The following OSBPL6 variants were observed in gnomAD, a reference collection of about 807,000 sequenced individuals.
OSBPL6 encodes the protein oxysterol-binding protein-related protein 6.
A neutral mutation model predicts 125.8 loss-of-function variants in OSBPL6; 49 were observed. The observed-to-expected ratio is 0.39, with a 90% CI of 0.31 to 0.49. The LOEUF is 0.49. Among genes scored for constraint, OSBPL6 ranks in the 20% least tolerant of loss-of-function variants. The pLI is 0.88. For synonymous variants in OSBPL6, 394 were observed against 391.8 expected (o/e 1.01, Z -0.07); for missense variants, 986 against 1,135.4 (o/e 0.87, Z 1.89).
rs549394616 is a variant in OSBPL6, at chr2:178,372,019, G to A, written c.1288-107G>A. Reference sequence around the variant, plus strand: ...GCTCATGATGGCTTCAAAAGTTAGAGCTAAGAACATCACAGACATTATTGT... The same window carrying A: ...GCTCATGATGGCTTCAAAAGTTAGAACTAAGAACATCACAGACATTATTGT... On this transcript the variant is annotated intron_variant, in intron 13 of 24. Transcript: ENST00000190611. 8.1e-5 allele frequency: 63 copies of A among 779,776 alleles called. No individual in the cohort carries two copies. The African/African-American group carries it at 8.9e-4, about 11-fold the overall frequency. The allele number at this position is 779,776 out of a possible 1,614,324, so 48.3% of individuals were successfully genotyped here. A position where few individuals can be genotyped will look rare whatever the true frequency, so the allele number is the denominator to read the frequency against.
chr2:178,257,397 C>T (rs1362157056), intron 1 of OSBPL6, among the ~76,000 whole-genome samples: 1 of 152,016 alleles, frequency 6.6e-6, no homozygotes, highest in Non-Finnish European at 1.5e-5. Context: ...TACTTTGTAA[C>T]CAAATAACGT....
At chr2:178,332,796 A>T (rs1203731378) in intron 7 of OSBPL6, 42 bp downstream of exon 7, 1 of 1,611,544 alleles carries the variant, frequency 6.2e-7, no homozygotes, top group East Asian at 2.2e-5. Flanking sequence ...TTATCAGGGG[A>T]AACGATTTGC....
intron 5 of OSBPL6, 35 bp from the exon 6 acceptor site, chr2:178,331,517 T>A (rs1003420389): frequency 6.2e-7 from 1 of 1,610,756 alleles, no homozygotes; most frequent in South Asian, 1.1e-5. Context: ...TAATTCAAAA[T>A]ACAGACAGTA....
At chr2:178,240,522 C>T (rs1209509302) in intron 1 of OSBPL6, among the ~76,000 whole-genome samples, 3 of 151,884 alleles carry the variant, frequency 2.0e-5, no homozygotes, top group Non-Finnish European at 4.4e-5. Flanking sequence ...GAGCCGAGAT[C>T]CTGCCGCTGC....
At chr2:178,263,482 A>G (rs1014519629) in intron 1 of OSBPL6, among the ~76,000 whole-genome samples, 1 of 152,230 alleles carries the variant, frequency 6.6e-6, no homozygotes, top group Non-Finnish European at 1.5e-5. Flanking sequence ...CAGTCCCAAA[A>G]AAAGGAATAG....
intron 12 of OSBPL6, among the ~76,000 whole-genome samples, chr2:178,357,529 A>G (rs12620729): frequency 0.036 from 5,443 of 152,308 alleles, 273 homozygotes; most frequent in East Asian, 0.22. Context: ...TAAAACTACA[A>G]TGAGATACCA....
At chr2:178,336,035 T>C (rs1347166401) in intron 8 of OSBPL6, among the ~76,000 whole-genome samples, 1 of 152,172 alleles carries the variant, frequency 6.6e-6, no homozygotes, top group African/African-American at 2.4e-5. Flanking sequence ...GGAAATTGAG[T>C]TGGCAGATCC....
chr2:178,365,520 C>CA (rs1692748024), intron 13 of OSBPL6, among the ~76,000 whole-genome samples: 1 of 150,746 alleles, frequency 6.6e-6, no homozygotes. Context: ...ACTAAAAATA[C>CA]AAAAAATTAG....
chr2:178,320,943 A>G (rs1274518919), intron 3 of OSBPL6, among the ~76,000 whole-genome samples: 18 of 152,140 alleles, frequency 1.2e-4, no homozygotes, highest in Admixed American at 1.1e-3. Context: ...GTGGATCACA[A>G]AGTCAAGAGA....
intron 12 of OSBPL6, among the ~76,000 whole-genome samples, chr2:178,352,732 C>T (rs188438974): frequency 8.5e-5 from 13 of 152,308 alleles, no homozygotes; most frequent in Admixed American, 8.5e-4. Context: ...CTGAAGAGAG[C>T]AGTGGTTCTC....
intron 1 of OSBPL6, among the ~76,000 whole-genome samples, chr2:178,223,495 T>G (rs1574532875): frequency 6.6e-6 from 1 of 152,248 alleles, no homozygotes; most frequent in South Asian, 2.1e-4. Flanking sequence ...TATGTATATC[T>G]TTCGATATTG....
At chr2:178,370,805 A>G (rs961763170) in intron 13 of OSBPL6, among the ~76,000 whole-genome samples, 5 of 152,202 alleles carry the variant, frequency 3.3e-5, no homozygotes, top group African/African-American at 1.2e-4. Context: ...AACTGGTTCT[A>G]ACAGCTTCAA....
At chr2:178,303,948 T>G (rs1686520745) in intron 2 of OSBPL6, among the ~76,000 whole-genome samples, 1 of 152,198 alleles carries the variant, frequency 6.6e-6, no homozygotes, top group African/African-American at 2.4e-5. Context: ...TGGTTACGTC[T>G]CGATGGCTTC....
At chr2:178,297,279 G>C (rs1559215132) in intron 2 of OSBPL6, among the ~76,000 whole-genome samples, 1 of 152,064 alleles carries the variant, frequency 6.6e-6, no homozygotes, top group Admixed American at 6.5e-5. Flanking sequence ...ATTATTTTGG[G>C]TTATCTTTAG....
intron 1 of OSBPL6, among the ~76,000 whole-genome samples, chr2:178,272,630 C>G (rs2092394558): frequency 6.6e-6 from 1 of 150,580 alleles, no homozygotes; most frequent in African/African-American, 2.5e-5. Flanking sequence ...CATTACAATT[C>G]TCCTCTCTCA....
chr2:178,247,473 A>T (rs755778654), intron 1 of OSBPL6, among the ~76,000 whole-genome samples: 22 of 151,146 alleles, frequency 1.5e-4, no homozygotes, highest in Non-Finnish European at 2.8e-4. Context: ...TGTCATGGGC[A>T]CTCTTCTTGG....
At chr2:178,259,116 T>C (rs976770103) in intron 1 of OSBPL6, among the ~76,000 whole-genome samples, 3 of 152,226 alleles carry the variant, frequency 2.0e-5, no homozygotes, top group Admixed American at 1.3e-4. Flanking sequence ...TTGGAGGAGA[T>C]GCCACATTGT....
At chr2:178,351,710 GTTA>G (rs924409416) in intron 12 of OSBPL6, among the ~76,000 whole-genome samples, 5 of 152,274 alleles carry the variant, frequency 3.3e-5, no homozygotes, top group African/African-American at 1.2e-4. Flanking sequence ...GGAGCTAGAG[GTTA>G]TTATCCTCAG....
intron 3 of OSBPL6, among the ~76,000 whole-genome samples, chr2:178,319,298 C>A (rs990174756): frequency 2.6e-5 from 4 of 151,992 alleles, no homozygotes; most frequent in African/African-American, 9.7e-5. Context: ...AGAAATTATC[C>A]CTAAGATTGT....
Sources: allele counts gnomAD v4.1 joint callset (sites outside exome capture counted in the v4.1 genomes callset), GRCh38; gene constraint gnomAD v4.1.1; transcripts MANE v1.5; gene names NCBI Gene and HGNC (gene_info 2026-07-23, HGNC 2026-07-21).